Variants in KL observed in about 807,000 individuals in gnomAD.
The protein encoded by KL is alpha-klotho.
KL carries 62 observed loss-of-function variants against 84.2 expected under a neutral mutation model. That is an observed-to-expected ratio of 0.74 (90% CI 0.60 to 0.91). KL has a LOEUF of 0.91. Among genes scored for constraint, KL ranks in the 40% least tolerant of loss-of-function variants. The pLI is 0.00. For missense variants in KL, 1,261 were observed against 1,305.7 expected (o/e 0.97, Z 0.53); for synonymous variants, 528 against 528.0 (o/e 1.00, Z 0.00).
rs143853525 is a variant in KL, at chr13:33,044,886, T to A, written c.820-8881T>A. The stretch of plus-strand genomic sequence containing the variant: ...TAAATTAACTTATTCGTTTTAATAG[T>A]TTTTCTGTTTTTTTAAAAATCTTAG... On this transcript the variant is annotated intron_variant, in intron 1 of 4. Coordinates refer to ENST00000380099, the MANE Select transcript of KL (RefSeq NM_004795.4). 3.7e-3 allele frequency among the ~76,000 whole-genome samples: 568 copies of A among 152,250 alleles called. 4 individuals are homozygous for A. The highest frequency in any genetic ancestry group is 0.013 in the African/African-American group (540 of 41,544).
rs1053092352 is a variant in KL, at chr13:33,064,379, G to A, written c.*193G>A. On this transcript the variant is annotated 3_prime_UTR_variant, in exon 5 of 5. Coordinates refer to ENST00000380099, the MANE Select transcript of KL (RefSeq NM_004795.4). ...TAAAATATTGAATAATGCGAATAGT[G>A]CCTGAATTTGTTCTCTTTTTGGGTG... is the stretch of plus-strand genomic sequence containing the variant. 1.5e-5 allele frequency: 8 copies of A among 524,976 alleles called. No individual in the cohort carries two copies. Among genetic ancestry groups the A allele is most frequent in the African/African-American group, 1.5e-4 (8 of 52,672 alleles). The allele number at this position is 524,976 out of a possible 1,614,324, so 32.5% of individuals were successfully genotyped here. A position where few individuals can be genotyped will look rare whatever the true frequency, so the allele number is the denominator to read the frequency against.
chr13:33,045,745 C>A (rs34242544), intron 1 of KL, among the ~76,000 whole-genome samples: 1 of 152,184 alleles, frequency 6.6e-6, no homozygotes, highest in Non-Finnish European at 1.5e-5. Flanking sequence ...TCCCAAAGTG[C>A]TGGGATTACA....
intron 1 of KL, among the ~76,000 whole-genome samples, chr13:33,050,181 A>G (rs188440892): frequency 1.1e-3 from 162 of 152,358 alleles, no homozygotes; most frequent in African/African-American, 3.7e-3. Context: ...TAGTATTTAG[A>G]TGAATGTTCT....
chr13:33,016,694 A>G lies in KL; in HGVS notation c.254A>G (p.Lys85Arg), dbSNP rs1190809246. The G allele has an allele frequency of 5.6e-6, 9 of 1,607,490 alleles. No individual in the cohort carries two copies. The highest frequency in any genetic ancestry group is 4.0e-5 in the African/African-American group (3 of 74,860). Reference protein sequence around the residue: ...QTEGGWQQHGKGASIWDTFTH... With the variant: ...QTEGGWQQHGRGASIWDTFTH... ...GAGGGCGGCTGGCAGCAGCACGGCA[A>G]GGGTGCGTCCATCTGGGATACGTTC... The change falls in exon 1 of 5, where the codon AAG becomes AGG. Residue 85 changes from lysine (K) to arginine (R), a missense_variant. Lys to Arg is a conservative substitution (Grantham distance 26). Transcript: ENST00000380099.
chr13:33,026,340 C>G (rs1283300451), intron 1 of KL, among the ~76,000 whole-genome samples: 3 of 152,028 alleles, frequency 2.0e-5, no homozygotes, highest in Non-Finnish European at 4.4e-5. Flanking sequence ...GTCTATTTCA[C>G]AGCAATAGGT....
chr13:33,043,176 C>A (rs1871399494), intron 1 of KL, among the ~76,000 whole-genome samples: 1 of 151,608 alleles, frequency 6.6e-6, no homozygotes, highest in Non-Finnish European at 1.5e-5. Context: ...CTCCCACCAT[C>A]AATGTATGAA....
In KL at chr13:33,053,938, G is replaced by A. The variant is rs370772575; in HGVS notation, c.991G>A (p.Val331Ile). The A allele has an allele frequency of 1.9e-5, 30 of 1,613,922 alleles. No homozygotes were observed. The highest frequency in any genetic ancestry group is 9.9e-5 in the South Asian group (9 of 91,080). Residue 331 changes from valine to isoleucine, a missense_variant, in exon 2 of 5, where the codon GTA becomes ATA. Physicochemically the swap from Val to Ile is conservative, Grantham distance 29 (BLOSUM62 3). Transcript: ENST00000380099. ...TGTACTAGGTTGGTTTGCCAAACCC[G>A]TATTTATTGATGGTGACTATCCCGA... ...DFVLGWFAKP[V>I]FIDGDYPESM...
At chr13:33,020,342 C>T (rs1182355039) in intron 1 of KL, among the ~76,000 whole-genome samples, 1 of 152,166 alleles carries the variant, frequency 6.6e-6, no homozygotes, top group Non-Finnish European at 1.5e-5. Context: ...CCCTCTTAGT[C>T]TCCTTTGCTT....
chr13:33,036,350 C>G (rs548826809), intron 1 of KL, among the ~76,000 whole-genome samples: 1 of 151,462 alleles, frequency 6.6e-6, no homozygotes, highest in African/African-American at 2.4e-5. Context: ...TGCACACACA[C>G]CACACACACA....
chr13:33,049,136 T>C (rs1422023184), intron 1 of KL, among the ~76,000 whole-genome samples: 1 of 152,218 alleles, frequency 6.6e-6, no homozygotes, highest in East Asian at 1.9e-4. Flanking sequence ...CTCAGAGGCC[T>C]GCCATATAAA....
intron 1 of KL, among the ~76,000 whole-genome samples, chr13:33,022,450 A>G (rs1416598868): frequency 6.6e-6 from 1 of 152,222 alleles, no homozygotes; most frequent in Non-Finnish European, 1.5e-5. Flanking sequence ...ACAAGTAATA[A>G]TAGGTGAGTA....
chr13:33,046,959 T>C (rs555822022), intron 1 of KL, among the ~76,000 whole-genome samples: 1 of 152,304 alleles, frequency 6.6e-6, no homozygotes, highest in South Asian at 2.1e-4. Flanking sequence ...ATTCTAGTTT[T>C]CCTTTTGTTA....
At position 33,060,681 on chromosome 13, in the gene KL, A is replaced by G. The variant is rs372326857; in HGVS notation, c.1602A>G (p.Val534=). 7.4e-6 allele frequency: 12 copies of G among 1,614,220 alleles called. No homozygotes were observed. The highest frequency in any genetic ancestry group is 9.3e-6 in the Non-Finnish European group (11 of 1,180,038). Residue 534 remains valine (V), a splice_region_variant and synonymous_variant, in exon 4 of 5, where the codon GTA becomes GTG. Coordinates refer to ENST00000380099, the MANE Select transcript of KL (RefSeq NM_004795.4). ...AATGTTTACTCTGCCCTTCACAGGT[A>G]GATACCACTCTGTCTCAGTTTACCG... ...AWGVVDNYIQ[V]DTTLSQFTDL...
intron 1 of KL, among the ~76,000 whole-genome samples, chr13:33,033,125 T>C (rs1044517520): frequency 6.6e-6 from 1 of 152,220 alleles, no homozygotes; most frequent in African/African-American, 2.4e-5. Flanking sequence ...AAAAGTGCAT[T>C]TCAATTCAGA....
intron 3 of KL, among the ~76,000 whole-genome samples, chr13:33,060,335 A>C (rs566378966): frequency 7.3e-4 from 111 of 152,220 alleles, no homozygotes; most frequent in African/African-American, 2.5e-3. Flanking sequence ...GATTTCTTAC[A>C]TTAAAAGAAA....
chr13:33,021,744 C>T (rs1202200838), intron 1 of KL, among the ~76,000 whole-genome samples: 8 of 152,064 alleles, frequency 5.3e-5, no homozygotes, highest in African/African-American at 1.4e-4. Flanking sequence ...ATTCACCAGA[C>T]GTGGTGGCAG....
intron 1 of KL, among the ~76,000 whole-genome samples, chr13:33,044,635 A>ATTTTTTTTTTTTTT (rs1871453892): frequency 1.4e-5 from 1 of 72,292 alleles, no homozygotes. Context: ...AATGCAATTG[A>ATTTTTTTTTTTTTT]TTTTCTTTTT....
Position 33,053,840 on chromosome 13 carries a change from T to G in KL, c.893T>G (p.Leu298Arg). Residue 298 changes from leucine (L) to arginine (R), a missense_variant, in exon 2 of 5, where the codon CTA becomes CGA. Transcript: ENST00000380099. ...PTQGGQVSIALSSHWINPRRM... is the reference protein window; with the variant it reads ...PTQGGQVSIARSSHWINPRRM... ...CAGGGAGGTCAGGTGTCCATTGCCCTAAGCTCTCACTGGATCAATCCTCGA... is the reference window on the plus strand; with the variant it reads ...CAGGGAGGTCAGGTGTCCATTGCCCGAAGCTCTCACTGGATCAATCCTCGA... The G allele has an allele frequency of 6.2e-7, 1 of 1,614,114 alleles. No individual in the cohort carries two copies.
At chr13:33,044,353 CAA>C (rs2138218674) in intron 1 of KL, among the ~76,000 whole-genome samples, 1 of 152,180 alleles carries the variant, frequency 6.6e-6, no homozygotes, top group African/African-American at 2.4e-5. Flanking sequence ...TTCATTTCTA[CAA>C]AAAGTTTATT....
Sources: allele counts gnomAD v4.1 joint callset (sites outside exome capture counted in the v4.1 genomes callset), GRCh38; gene constraint gnomAD v4.1.1; transcripts MANE v1.5; gene names NCBI Gene and HGNC (gene_info 2026-07-23, HGNC 2026-07-21).